The following SLAMF9 variants were observed in gnomAD, a reference collection of about 807,000 sequenced individuals.
SLAMF9 encodes the protein CD2 family member 10.
Under a neutral mutation model 30.4 loss-of-function variants are expected in SLAMF9, and 25 were observed. That is an observed-to-expected ratio of 0.82 (90% confidence interval 0.60 to 1.15). SLAMF9 has a LOEUF of 1.15. SLAMF9 is among the 50% of genes most tolerant of loss of function. The pLI is 0.00. For missense variants in SLAMF9, 344 were observed against 346.1 expected (o/e 0.99, Z 0.05); for synonymous variants, 129 against 127.2 (o/e 1.01, Z -0.09).
At chr1:159,969,886 T>C in the SLAMF9 span, among the ~76,000 whole-genome samples, 2 of 151,954 alleles carry the variant, frequency 1.3e-5, no homozygotes, top group Non-Finnish European at 2.9e-5. Flanking sequence ...CTACCCAAAA[T>C]ACAAAATTAG....
chr1:159,957,120 T>TCAAAAAAAAAAAAAAAAGA (rs1441575555), upstream of SLAMF9, among the ~76,000 whole-genome samples: 1 of 3,482 alleles, frequency 2.9e-4, no homozygotes, highest in African/African-American at 6.9e-4. Context: ...AGACTCTGTC[T>TCAAAAAAAAAAAAAAAAGA]CAAAAAAAAA....
chr1:159,970,045 G>A, the SLAMF9 span, among the ~76,000 whole-genome samples: 5 of 152,122 alleles, frequency 3.3e-5, no homozygotes, highest in African/African-American at 1.2e-4. Context: ...GGGTGACAGA[G>A]CAAGACACTT....
At position 159,951,595 on chromosome 1, in the gene SLAMF9, G is replaced by A. The variant is rs1571227285; in HGVS notation, c.*66C>T. 2.6e-5 allele frequency: 39 copies of A among 1,487,152 alleles called. No individual in the cohort carries two copies. In the East Asian group the frequency reaches 8.8e-4, roughly 34 times the overall value. 92.1% of individuals were successfully genotyped at this position (1,487,152 alleles called of 1,614,324 possible). On this transcript the variant is annotated 3_prime_UTR_variant, in exon 4 of 4. Transcript: ENST00000368093. ...ACCTCCTTCCCCTGGAAAGAAGAGAGCTGAGGAAGGATTCTCTGGGTGCTG... is the reference window on the plus strand; with the variant it reads ...ACCTCCTTCCCCTGGAAAGAAGAGAACTGAGGAAGGATTCTCTGGGTGCTG...
At chr1:159,952,915 TAAG>T (rs1222816593) in intron 2 of SLAMF9, among the ~76,000 whole-genome samples, 1 of 152,178 alleles carries the variant, frequency 6.6e-6, no homozygotes, top group East Asian at 1.9e-4. Context: ...TGACAGACAC[TAAG>T]AAGAAATTTG....
rs1651739591 is a variant in SLAMF9, at chr1:159,951,532, C to T, written c.*129G>A. On this transcript the variant is annotated 3_prime_UTR_variant, in exon 4 of 4. Transcript: ENST00000368093. ...TTGACTTTATTGCCAGCCAGTCTTC[C>T]CTCAGAAGTATGGCTCTCTGGATAC... is the stretch of plus-strand genomic sequence containing the variant. 1.3e-6 allele frequency: 1 copy of T among 794,162 alleles called. No homozygotes were observed. Among genetic ancestry groups the T allele is most frequent in the Non-Finnish European group, 2.0e-6 (1 of 496,924 alleles). 49.2% of individuals were successfully genotyped at this position (794,162 alleles called of 1,614,324 possible).
chr1:159,961,638 T>C, the SLAMF9 span, among the ~76,000 whole-genome samples: 2 of 151,768 alleles, frequency 1.3e-5, no homozygotes, highest in Non-Finnish European at 2.9e-5. Flanking sequence ...CCCAAAGGAG[T>C]CATTGTGAAA....
chr1:159,954,894 C>T (rs548906045), upstream of SLAMF9, among the ~76,000 whole-genome samples: 1 of 152,062 alleles, frequency 6.6e-6, no homozygotes, highest in Non-Finnish European at 1.5e-5. Context: ...GCCTGGCCAA[C>T]ATGGTGAAAC....
At chr1:159,967,731 G>A in the SLAMF9 span, among the ~76,000 whole-genome samples, 2 of 152,136 alleles carry the variant, frequency 1.3e-5, no homozygotes, top group African/African-American at 4.8e-5. Flanking sequence ...TCCAATCCAT[G>A]AACATGGAAT....
the SLAMF9 span, among the ~76,000 whole-genome samples, chr1:159,975,174 T>C: frequency 6.6e-6 from 1 of 152,218 alleles, no homozygotes; most frequent in East Asian, 1.9e-4. Flanking sequence ...TATTCATTCA[T>C]TGACTTATTC....
upstream of SLAMF9, among the ~76,000 whole-genome samples, chr1:159,956,850 T>C (rs1651931255): frequency 2.0e-5 from 3 of 152,086 alleles, no homozygotes; most frequent in Admixed American, 2.0e-4. Context: ...CCAGGCACGG[T>C]GGCTCACACC....
At chr1:159,961,092 G>A in the SLAMF9 span, 1 of 152,092 alleles carries the variant, frequency 6.6e-6, no homozygotes, top group Non-Finnish European at 1.5e-5. Context: ...GTGTGCTTTG[G>A]AGAGAGACCA....
upstream of SLAMF9, among the ~76,000 whole-genome samples, chr1:159,958,581 C>A (rs751601927): frequency 7.2e-5 from 11 of 152,112 alleles, no homozygotes; most frequent in African/African-American, 2.4e-4. Context: ...CCATCTCAGC[C>A]TCCCAACTAG....
the SLAMF9 span, among the ~76,000 whole-genome samples, chr1:159,964,571 T>C: frequency 2.0e-5 from 3 of 152,158 alleles, no homozygotes; most frequent in Admixed American, 1.3e-4. Context: ...ACGGATCTTG[T>C]CCAACCCTTT....
At chr1:159,958,215 A>G (rs1018883544), upstream of SLAMF9, among the ~76,000 whole-genome samples, 1 of 152,236 alleles carries the variant, frequency 6.6e-6, no homozygotes, top group Non-Finnish European at 1.5e-5. Flanking sequence ...GGTTAACTGC[A>G]CTTCTTGCAG....
At chr1:159,955,480 G>C (rs1651903923), upstream of SLAMF9, among the ~76,000 whole-genome samples, 1 of 152,226 alleles carries the variant, frequency 6.6e-6, no homozygotes, top group Non-Finnish European at 1.5e-5. Flanking sequence ...AATAGAGGAA[G>C]ACGTATTCAG....
chr1:159,961,706 G>C, the SLAMF9 span, among the ~76,000 whole-genome samples: 6 of 152,168 alleles, frequency 3.9e-5, no homozygotes, highest in South Asian at 4.1e-4. Context: ...TCCTTGGGGT[G>C]GGGGAGAGAG....
the SLAMF9 span, among the ~76,000 whole-genome samples, chr1:159,960,734 A>T: frequency 1.7e-5 from 2 of 121,080 alleles, no homozygotes; most frequent in African/African-American, 7.0e-5. Context: ...GATTACAGGC[A>T]TGAGTCACTG....
Position 159,951,578 on chromosome 1 carries a change from C to A in SLAMF9, c.*83G>T. Reference sequence around the variant, plus strand: ...GATACCCACCCCTGAGCACCTCCTTCCCCTGGAAAGAAGAGAGCTGAGGAA... The same window carrying A: ...GATACCCACCCCTGAGCACCTCCTTACCCTGGAAAGAAGAGAGCTGAGGAA... On this transcript the variant is annotated 3_prime_UTR_variant, in exon 4 of 4. Coordinates refer to ENST00000368093, the MANE Select transcript of SLAMF9 (RefSeq NM_033438.4). 1 of 1,373,964 alleles carries A rather than the reference C, an allele frequency of 7.3e-7. No individual in the cohort carries two copies. The allele number at this position is 1,373,964 out of a possible 1,614,324, so 85.1% of individuals were successfully genotyped here.
the SLAMF9 span, chr1:159,974,108 A>G: frequency 1.4e-6 from 2 of 1,384,108 alleles, no homozygotes; most frequent in Non-Finnish European, 2.0e-6. Flanking sequence ...TGCAGGTCCC[A>G]TCAGTCACTT....
Sources: gnomAD v4.1 joint callset for allele counts (sites outside exome capture counted in the v4.1 genomes callset) on GRCh38, gnomAD v4.1.1 for gene constraint, MANE v1.5 for transcripts, NCBI Gene and HGNC (gene_info 2026-07-23, HGNC 2026-07-21) for gene names.